The following NUP133 variants were observed in gnomAD, a reference collection of about 807,000 sequenced individuals.
NUP133 encodes the protein nuclear pore complex protein Nup133.
In NUP133, 66 loss-of-function variants were observed where a neutral mutation model predicts 146.2. That is an observed-to-expected ratio of 0.45 (90% confidence interval 0.37 to 0.55). NUP133 has a LOEUF of 0.55. NUP133 is among the 20% of genes least tolerant of loss of function. The pLI is 0.00. For synonymous variants in NUP133, 521 were observed against 498.8 expected (o/e 1.04, Z -0.59); for missense variants, 1,277 against 1,374.8 (o/e 0.93, Z 1.12).
chr1:229,505,218 A>G (rs1031907820), intron 2 of NUP133, among the ~76,000 whole-genome samples: 1 of 152,168 alleles, frequency 6.6e-6, no homozygotes, highest in African/African-American at 2.4e-5. Flanking sequence ...GCAGTAATGC[A>G]ATGCTTATAT....
intron 25 of NUP133, among the ~76,000 whole-genome samples, chr1:229,444,405 C>A (rs1186101074): frequency 1.3e-5 from 2 of 152,018 alleles, no homozygotes; most frequent in Non-Finnish European, 2.9e-5. Context: ...TGTTTTTCAC[C>A]TGTTTTATAA....
chr1:229,449,329 T>A, intron 23 of NUP133, 139 bp from the exon 24 acceptor site: 1 of 608,514 alleles, frequency 1.6e-6, no homozygotes, highest in Admixed American at 3.1e-5. Context: ...TCTGTGGTGA[T>A]GATGATTTTA....
intron 12 of NUP133, 101 bp downstream of exon 12, chr1:229,483,953 A>G: frequency 4.0e-6 from 3 of 742,324 alleles, no homozygotes; most frequent in South Asian, 3.5e-5. Context: ...TCTTGATAGC[A>G]TCATTCCTCC....
At chr1:229,479,077 G>C (rs1452647179) in intron 12 of NUP133, among the ~76,000 whole-genome samples, 2 of 152,168 alleles carry the variant, frequency 1.3e-5, no homozygotes, top group Non-Finnish European at 2.9e-5. Context: ...GAGACAGAGA[G>C]AGAGAGAGAG....
intron 13 of NUP133, among the ~76,000 whole-genome samples, chr1:229,476,199 A>C (rs1218115506): frequency 1.3e-5 from 2 of 152,194 alleles, no homozygotes; most frequent in African/African-American, 2.4e-5. Context: ...CAGGAGTTTT[A>C]AAAATTTAAG....
intron 1 of NUP133, among the ~76,000 whole-genome samples, chr1:229,507,479 GAGC>G (rs1183506290): frequency 6.6e-6 from 1 of 152,084 alleles, no homozygotes; most frequent in East Asian, 1.9e-4. Context: ...TGCTCCAAAC[GAGC>G]AGTTTTAGTA....
At chr1:229,468,829 G>A (rs77330098) in intron 15 of NUP133, among the ~76,000 whole-genome samples, 133 of 152,264 alleles carry the variant, frequency 8.7e-4, no homozygotes, top group African/African-American at 3.0e-3. Context: ...TGAAACTTGA[G>A]GTGATTTGTT....
At chr1:229,445,283 A>G (rs962760171) in intron 24 of NUP133, among the ~76,000 whole-genome samples, 2 of 152,230 alleles carry the variant, frequency 1.3e-5, no homozygotes, top group African/African-American at 4.8e-5. Context: ...TACTGACTCA[A>G]TATAACTCTT....
chr1:229,448,199 T>C (rs560888839), intron 24 of NUP133, among the ~76,000 whole-genome samples: 2 of 152,226 alleles, frequency 1.3e-5, no homozygotes, highest in South Asian at 2.1e-4. Flanking sequence ...GAGGCTGAGG[T>C]GGGCAGATCA....
chr1:229,491,731 T>C (rs1310092323), intron 8 of NUP133, among the ~76,000 whole-genome samples: 1 of 152,078 alleles, frequency 6.6e-6, no homozygotes, highest in African/African-American at 2.4e-5. Flanking sequence ...TGAGCCAAGC[T>C]CATACCACTG....
chr1:229,472,154 C>A (rs1281291543), intron 14 of NUP133, among the ~76,000 whole-genome samples: 1 of 151,584 alleles, frequency 6.6e-6, no homozygotes, highest in Non-Finnish European at 1.5e-5. Context: ...CCCGTCTCTA[C>A]TAAAAATACA....
rs565311512 is a variant in NUP133, at chr1:229,444,970, A to G, written c.3278T>C (p.Ile1093Thr). 85 of 1,612,830 alleles carry G rather than the reference A, an allele frequency of 5.3e-5. No homozygotes were observed. The South Asian group carries it at 8.0e-4, about 15-fold the overall frequency. The change falls in exon 25 of 26, where the codon ATT becomes ACT. Residue 1093 changes from isoleucine to threonine, a missense_variant. Around this residue, in one of 3 missense-constraint regions of NUP133, gnomAD observed 952 missense variants for 1,047.0 expected, o/e 0.91. Transcript: ENST00000261396. ...WSSSDGKDDP[I>T]EVSKDSIFVK... ...AAATATACTGTCTTTAGATACTTCA[A>G]TTGGATCATCTTTGCCATCAGAACT... is the stretch of plus-strand genomic sequence containing the variant.
intron 25 of NUP133, among the ~76,000 whole-genome samples, chr1:229,443,892 CTCT>C (rs1470362599): frequency 2.2e-5 from 3 of 138,496 alleles, no homozygotes; most frequent in Non-Finnish European, 3.1e-5. Context: ...CTGTGCTCAA[CTCT>C]TTTTTTTTTT....
At chr1:229,486,959 C>T (rs1377827863) in intron 10 of NUP133, among the ~76,000 whole-genome samples, 1 of 151,446 alleles carries the variant, frequency 6.6e-6, no homozygotes, top group Non-Finnish European at 1.5e-5. Context: ...TAACATCCTA[C>T]CCACCCTCTG....
Position 229,441,541 on chromosome 1 carries a change from A to T in NUP133, c.*363T>A. On this transcript the variant is annotated 3_prime_UTR_variant, in exon 26 of 26. Coordinates refer to ENST00000261396, the MANE Select transcript of NUP133 (RefSeq NM_018230.3). Reference sequence around the variant, plus strand: ...CTGGAGTCACAGCAATTTTAGAGACAAGCTAGTGCAATCTAGTAATTTTCA... The same window carrying T: ...CTGGAGTCACAGCAATTTTAGAGACTAGCTAGTGCAATCTAGTAATTTTCA... 1 of 482,354 alleles carries T rather than the reference A, an allele frequency of 2.1e-6. No homozygotes were observed. The highest frequency in any genetic ancestry group is 4.3e-6 in the Non-Finnish European group (1 of 235,006). The allele number at this position is 482,354 out of a possible 1,614,324, so 29.9% of individuals were successfully genotyped here.
intron 9 of NUP133, among the ~76,000 whole-genome samples, chr1:229,488,439 G>A (rs1661416852): frequency 6.6e-6 from 1 of 152,104 alleles, no homozygotes; most frequent in African/African-American, 2.4e-5. Flanking sequence ...ATGATAAGCT[G>A]TTATTAAAGA....
intron 3 of NUP133, 95 bp from the exon 4 acceptor site, chr1:229,500,958 C>T (rs1342748668): frequency 2.9e-6 from 2 of 701,314 alleles, no homozygotes; most frequent in Non-Finnish European, 4.9e-6. Flanking sequence ...TAGATTCTGA[C>T]TCACTGCTGG....
intron 23 of NUP133, among the ~76,000 whole-genome samples, chr1:229,449,990 G>A (rs1660409839): frequency 6.9e-6 from 1 of 145,234 alleles, no homozygotes; most frequent in Non-Finnish European, 1.5e-5. Context: ...AGAGACTCAT[G>A]CCTCAGCCTC....
Position 229,495,503 on chromosome 1 carries a change from C to T in NUP133, c.1038G>A (p.Lys346=), listed in dbSNP as rs757311318. 11 of 1,610,608 alleles carry T rather than the reference C, an allele frequency of 6.8e-6. No individual in the cohort carries two copies. In the Admixed American group the frequency reaches 1.5e-4, roughly 22 times the overall value. Residue 346 remains lysine (K), a synonymous_variant, in exon 8 of 26, where the codon AAG becomes AAA. Coordinates refer to ENST00000261396, the MANE Select transcript of NUP133 (RefSeq NM_018230.3). ...ACAAATTAATTGCTTACCAGTTTTG[C>T]TTCAAGTCCAAATATCGAATGTTGA... is the stretch of plus-strand genomic sequence containing the variant. ...EGVNIRYLDL[K]QNCDGLVILA...
Sources: allele counts gnomAD v4.1 joint callset (sites outside exome capture counted in the v4.1 genomes callset), GRCh38; gene constraint gnomAD v4.1.1; regional missense constraint gnomAD v4.1.1; transcripts MANE v1.5; gene names NCBI Gene and HGNC (gene_info 2026-07-23, HGNC 2026-07-21).